Variants in IDO2 observed in about 807,000 individuals in gnomAD.
IDO2 encodes indoleamine 2,3-dioxygenase-like 1 protein.
A neutral mutation model predicts 45.1 loss-of-function variants in IDO2; 46 were observed. The observed-to-expected ratio is 1.02, with a 90% CI of 0.80 to 1.30. IDO2 has a LOEUF of 1.30. Ranked by LOEUF, IDO2 falls within the 50% of genes most tolerant of loss-of-function variation. IDO2 has a pLI of 0.00. For missense variants in IDO2, 544 were observed against 491.8 expected (o/e 1.11, Z -1.00); for synonymous variants, 218 against 184.9 (o/e 1.18, Z -1.45).
At chr8:39,945,906 A>T (rs1248436416) in intron 1 of IDO2, among the ~76,000 whole-genome samples, 1 of 152,202 alleles carries the variant, frequency 6.6e-6, no homozygotes, top group African/African-American at 2.4e-5. Context: ...GCATAGGCTG[A>T]ACTAACTCCG....
intron 6 of IDO2, among the ~76,000 whole-genome samples, chr8:39,986,710 ATAG>A (rs1808429753): frequency 6.6e-6 from 1 of 151,358 alleles, no homozygotes; most frequent in South Asian, 2.1e-4. Context: ...AGATAGATAG[ATAG>A]ATAGACGGAA....
chr8:39,934,905 T>C, exon 1 of IDO2: 1 of 544,698 alleles, frequency 1.8e-6, no homozygotes. Context: ...TAAGGGATCA[T>C]TTGCTGGTGT....
intron 3 of IDO2, among the ~76,000 whole-genome samples, chr8:39,968,904 AAAC>A (rs910414120): frequency 3.3e-5 from 5 of 151,018 alleles, no homozygotes; most frequent in Non-Finnish European, 7.4e-5. Flanking sequence ...AAAAAAAAAC[AAAC>A]AACAACACCT....
At chr8:39,941,619 G>A (rs1414289413) in intron 1 of IDO2, among the ~76,000 whole-genome samples, 1 of 151,964 alleles carries the variant, frequency 6.6e-6, no homozygotes, top group Admixed American at 6.6e-5. Flanking sequence ...ATGCAGACTT[G>A]GGAACCGAGT....
At chr8:40,015,702 T>C in exon 11 of IDO2, 1 of 816,558 alleles carries the variant, frequency 1.2e-6, no homozygotes, top group Admixed American at 2.5e-5. Flanking sequence ...AGGAAGGATC[T>C]CAGCCCTATT....
rs1808407160 is a variant in IDO2, at chr8:39,985,293, C to T, written c.435-215C>T. On this transcript the variant is annotated intron_variant, in intron 5 of 10. Transcript: ENST00000502986. ...GGCTGGAATGTGAGTGGAAATGTCG[C>T]TCACCCTTTATCACATAGCACCCCA... 36 of 566,604 alleles carry T rather than the reference C, an allele frequency of 6.4e-5. No homozygotes were observed. In the South Asian group the frequency reaches 7.9e-4, roughly 12 times the overall value. The allele number at this position is 566,604 out of a possible 1,614,324, so 35.1% of individuals were successfully genotyped here. A position where few individuals can be genotyped will look rare whatever the true frequency, so the allele number is the denominator to read the frequency against.
intron 8 of IDO2, among the ~76,000 whole-genome samples, chr8:40,002,092 T>C (rs1044733809): frequency 6.6e-6 from 1 of 152,218 alleles, no homozygotes; most frequent in Non-Finnish European, 1.5e-5. Context: ...GGCCCATAAA[T>C]ACATTTTTAT....
chr8:40,004,594 A>G (rs1380409953), intron 8 of IDO2, among the ~76,000 whole-genome samples: 1 of 149,290 alleles, frequency 6.7e-6, no homozygotes, highest in African/African-American at 2.5e-5. Context: ...AGATAATCTC[A>G]GAAACAGAGA....
intron 1 of IDO2, among the ~76,000 whole-genome samples, chr8:39,942,354 A>G (rs1807655289): frequency 6.6e-6 from 1 of 152,162 alleles, no homozygotes; most frequent in African/African-American, 2.4e-5. Flanking sequence ...AACAGTAGAA[A>G]AGTCCTGGGC....
intron 3 of IDO2, among the ~76,000 whole-genome samples, chr8:39,964,775 G>A (rs1808059676): frequency 6.6e-6 from 1 of 152,104 alleles, no homozygotes; most frequent in African/African-American, 2.4e-5. Flanking sequence ...AAAACTATCT[G>A]TAAACACAGA....
At chr8:39,950,659 AC>A (rs1249440991) in intron 2 of IDO2, among the ~76,000 whole-genome samples, 1 of 152,182 alleles carries the variant, frequency 6.6e-6, no homozygotes, top group East Asian at 1.9e-4. Flanking sequence ...TGACGCATCT[AC>A]CCTACTGCTG....
chr8:39,951,468 T>C (rs1225504771), intron 2 of IDO2, among the ~76,000 whole-genome samples: 2 of 152,110 alleles, frequency 1.3e-5, no homozygotes, highest in Non-Finnish European at 2.9e-5. Context: ...AGGAAAGTGC[T>C]GGGACAATTC....
intron 3 of IDO2, among the ~76,000 whole-genome samples, chr8:39,966,002 C>A (rs1178783804): frequency 6.7e-6 from 1 of 150,184 alleles, no homozygotes; most frequent in African/African-American, 2.4e-5. Context: ...AAAACTAACA[C>A]AACACTCTTG....
At chr8:39,979,222 C>A in intron 4 of IDO2, 36 bp downstream of exon 4, 3 of 1,555,292 alleles carry the variant, frequency 1.9e-6, no homozygotes, top group Non-Finnish European at 1.7e-6. Flanking sequence ...TGTTACCCGG[C>A]AGGTTACCTG....
At chr8:40,015,293 G>A (rs1250587884) in exon 11 of IDO2, 1 of 1,613,362 alleles carries the variant, frequency 6.2e-7, no homozygotes, top group Non-Finnish European at 8.5e-7. Flanking sequence ...CTTCCCATAA[G>A]GCCTTCATAG....
At chr8:39,941,371 AACCAAAT>A in intron 1 of IDO2, among the ~76,000 whole-genome samples, 1 of 152,318 alleles carries the variant, frequency 6.6e-6, no homozygotes, top group Non-Finnish European at 1.5e-5. Flanking sequence ...AGACCAAAGA[AACCAAAT>A]ACCAGTTGTT....
At chr8:39,962,656 G>A (rs1178341398) in intron 2 of IDO2, among the ~76,000 whole-genome samples, 1 of 152,052 alleles carries the variant, frequency 6.6e-6, no homozygotes, top group African/African-American at 2.4e-5. Context: ...CAAAGAGAGG[G>A]GTTTCACCAG....
intron 2 of IDO2, 120 bp from the exon 3 acceptor site, chr8:39,963,488 A>G (rs1012330919): frequency 3.7e-5 from 23 of 627,360 alleles, no homozygotes; most frequent in Middle Eastern, 5.5e-4. Context: ...TGCATTCTCA[A>G]TGTTCGTTCA....
intron 2 of IDO2, among the ~76,000 whole-genome samples, chr8:39,955,467 G>T (rs1807878883): frequency 6.6e-6 from 1 of 151,876 alleles, no homozygotes; most frequent in Non-Finnish European, 1.5e-5. Context: ...TGTTGGCCAG[G>T]CTGGTCTCGA....
Sources: allele counts gnomAD v4.1 joint callset (sites outside exome capture counted in the v4.1 genomes callset), GRCh38; gene constraint gnomAD v4.1.1; transcripts MANE v1.5; gene names NCBI Gene and HGNC (gene_info 2026-07-23, HGNC 2026-07-21).